Variants in HIPK3 observed in about 807,000 individuals in gnomAD.
The protein encoded by HIPK3 is homeodomain interacting protein kinase 3, also known as homeodomain-interacting protein kinase 3.
HIPK3 carries 47 observed loss-of-function variants against 124.2 expected under a neutral mutation model. The observed-to-expected ratio is 0.38, with a 90% CI of 0.30 to 0.48. The LOEUF (loss-of-function observed/expected upper bound fraction) is 0.48, where lower values mean the gene tolerates loss of function less well. HIPK3 is among the 20% of genes least tolerant of loss of function. The probability of loss-of-function intolerance (pLI) is 0.98; values close to 1 mark genes in which losing one functional copy is unlikely to be tolerated. For missense variants in HIPK3, 1,286 were observed against 1,454.3 expected, an observed-to-expected ratio of 0.88 and a Z score of 1.88; for synonymous variants, 482 against 515.2, an observed-to-expected ratio of 0.94 and a Z score of 0.87.
intron 1 of HIPK3, among the ~76,000 whole-genome samples, chr11:33,267,564 C>G (rs1025838672): frequency 5.9e-5 from 9 of 151,534 alleles, no homozygotes; most frequent in Admixed American, 5.3e-4. Context: ...GGCGTGATCT[C>G]GGCTCACTGC....
chr11:33,327,525 T>G (rs530116735), intron 2 of HIPK3, among the ~76,000 whole-genome samples: 1 of 152,208 alleles, frequency 6.6e-6, no homozygotes, highest in African/African-American at 2.4e-5. Flanking sequence ...TTGGCCAAAC[T>G]TAAATGGAGT....
intron 1 of HIPK3, among the ~76,000 whole-genome samples, chr11:33,260,941 G>A (rs1850802370): frequency 6.6e-6 from 1 of 151,490 alleles, no homozygotes; most frequent in African/African-American, 2.4e-5. Flanking sequence ...CTAAAACTTT[G>A]TTAAAATGGA....
At chr11:33,280,419 G>A (rs775850390) in intron 1 of HIPK3, among the ~76,000 whole-genome samples, 3 of 152,180 alleles carry the variant, frequency 2.0e-5, no homozygotes, top group Non-Finnish European at 2.9e-5. Flanking sequence ...AAGGAAAAGA[G>A]TTAATACCTG....
At chr11:33,315,374 G>T (rs1053004636) in intron 2 of HIPK3, among the ~76,000 whole-genome samples, 4 of 152,144 alleles carry the variant, frequency 2.6e-5, no homozygotes, top group Admixed American at 1.3e-4. Context: ...TTACAGGCAC[G>T]CGCCACCACA....
chr11:33,349,934 A>G (rs965833436), intron 14 of HIPK3, among the ~76,000 whole-genome samples: 10 of 151,498 alleles, frequency 6.6e-5, no homozygotes, highest in African/African-American at 2.4e-4. Context: ...CACCTGGCTA[A>G]TTTTTTGTAT....
chr11:33,339,306 G>C, intron 5 of HIPK3, 44 bp from the exon 6 acceptor site: 1 of 1,483,900 alleles, frequency 6.7e-7, no homozygotes, highest in South Asian at 1.2e-5. Context: ...ACTACTCTCT[G>C]TGACTTATTT....
At chr11:33,311,171 G>T (rs1394218927) in intron 2 of HIPK3, among the ~76,000 whole-genome samples, 1 of 152,064 alleles carries the variant, frequency 6.6e-6, no homozygotes, top group East Asian at 1.9e-4. Context: ...TGATGACTTT[G>T]CGCATTGTTT....
chr11:33,334,197 A>G (rs903661233), intron 3 of HIPK3, among the ~76,000 whole-genome samples: 10 of 152,180 alleles, frequency 6.6e-5, no homozygotes, highest in Admixed American at 2.6e-4. Context: ...AAAAATTGTA[A>G]TATAGTTATA....
At chr11:33,316,432 A>G (rs1590394059) in intron 2 of HIPK3, among the ~76,000 whole-genome samples, 1 of 152,300 alleles carries the variant, frequency 6.6e-6, no homozygotes, top group African/African-American at 2.4e-5. Flanking sequence ...AGTCTCCTTT[A>G]TGGTATCCTC....
chr11:33,350,678 A>AAAGG (rs1171508774), intron 14 of HIPK3, among the ~76,000 whole-genome samples: 1 of 152,130 alleles, frequency 6.6e-6, no homozygotes, highest in African/African-American at 2.4e-5. Context: ...TATCTCTTAG[A>AAAGG]AAGGAAGGAA....
At position 33,349,259 on chromosome 11, in the gene HIPK3, A is replaced by G; in HGVS notation, c.2779A>G (p.Ser927Gly). The G allele has an allele frequency of 1.2e-6, 2 of 1,613,802 alleles. No individual in the cohort carries two copies. The highest frequency in any genetic ancestry group is 1.7e-6 in the Non-Finnish European group (2 of 1,179,760). Residue 927 changes from serine to glycine, a missense_variant, in exon 14 of 17, where the codon AGC becomes GGC. Coordinates refer to ENST00000303296, the MANE Select transcript of HIPK3 (RefSeq NM_005734.5). ...GAGTACCAGCTCCTCAGGGCAGTCC[A>G]GCCCATCCCCCTGCAAGAGACCGAA... ...TLSTSSSGQS[S>G]PSPCKRPNSM...
intron 2 of HIPK3, among the ~76,000 whole-genome samples, chr11:33,306,830 CA>C (rs1223483901): frequency 2.0e-5 from 3 of 152,094 alleles, no homozygotes; most frequent in Non-Finnish European, 4.4e-5. Flanking sequence ...GGGAGTCTCC[CA>C]TAGTTGTTTC....
chr11:33,277,290 A>C (rs1851298019), intron 1 of HIPK3, among the ~76,000 whole-genome samples: 1 of 152,146 alleles, frequency 6.6e-6, no homozygotes, highest in Non-Finnish European at 1.5e-5. Flanking sequence ...CTTTATAATA[A>C]ATGATACATG....
chr11:33,279,749 G>T lies in HIPK3; in HGVS notation c.-2-6664G>T, dbSNP rs571806261. The stretch of plus-strand genomic sequence containing the variant: ...AATTTCTAAAGAGCATAACCTTATT[G>T]TTCACAGCTCTGGAGGCTAAGTTCA... On this transcript the variant is annotated intron_variant, in intron 1 of 16. Transcript: ENST00000303296. Among the ~76,000 whole-genome samples, 24 of 152,262 alleles carry T rather than the reference G, an allele frequency of 1.6e-4. No individual in the cohort carries two copies. The South Asian group carries it at 2.7e-3, about 17-fold the overall frequency.
chr11:33,336,079 G>C (rs10160595), intron 3 of HIPK3, among the ~76,000 whole-genome samples: 1 of 152,130 alleles, frequency 6.6e-6, no homozygotes, highest in Non-Finnish European at 1.5e-5. Flanking sequence ...AATGAAAAGC[G>C]CAGTGGAGAA....
chr11:33,309,321 C>T (rs898415110), intron 2 of HIPK3, among the ~76,000 whole-genome samples: 5 of 152,138 alleles, frequency 3.3e-5, no homozygotes, highest in Non-Finnish European at 7.4e-5. Flanking sequence ...TGCCATGTTG[C>T]CCAGCCTGGC....
At chr11:33,291,013 A>G (rs1413984996) in intron 2 of HIPK3, among the ~76,000 whole-genome samples, 3 of 152,214 alleles carry the variant, frequency 2.0e-5, no homozygotes, top group Non-Finnish European at 4.4e-5. Context: ...ATAAAAAACT[A>G]AAAATAGATT....
At chr11:33,302,820 A>G (rs1479527514) in intron 2 of HIPK3, among the ~76,000 whole-genome samples, 1 of 152,130 alleles carries the variant, frequency 6.6e-6, no homozygotes, top group Non-Finnish European at 1.5e-5. Flanking sequence ...ACTTAATTTT[A>G]TATGTTTGTA....
In HIPK3 at chr11:33,356,665, G is replaced by A. The variant is rs1443741160; in HGVS notation, c.*3097G>A. The A allele has an allele frequency of 2.0e-5, 3 of 152,038 alleles. No individual in the cohort carries two copies. Among genetic ancestry groups the A allele is most frequent in the Non-Finnish European group, 4.4e-5 (3 of 67,944 alleles). The allele number at this position is 152,038 out of a possible 1,614,324, so 9.4% of individuals were successfully genotyped here. On this transcript the variant is annotated 3_prime_UTR_variant, in exon 17 of 17. Transcript: ENST00000303296. ...GAAGATTTGTTTTAATGAATCCAAT[G>A]ATACAGATTTGATTACTAAGTTTGA...
Sources: gnomAD v4.1 joint callset for allele counts (sites outside exome capture counted in the v4.1 genomes callset) on GRCh38, gnomAD v4.1.1 for gene constraint, MANE v1.5 for transcripts, NCBI Gene and HGNC (gene_info 2026-07-23, HGNC 2026-07-21) for gene names.